FSHR: variants seen among roughly 807,000 people sequenced by gnomAD.
FSHR encodes follicle stimulating hormone receptor.
In FSHR, 46 loss-of-function variants were observed where a neutral mutation model predicts 52.1. The ratio of observed to expected loss-of-function variants is 0.88; its 90% CI spans 0.70 to 1.13. The LOEUF (loss-of-function observed/expected upper bound fraction) is 1.13. Ranked by LOEUF, FSHR falls within the 50% of genes most tolerant of loss-of-function variation. The pLI, the probability that FSHR is intolerant of heterozygous loss-of-function variation, is 0.00. For missense variants in FSHR, 964 were observed against 834.6 expected, an observed-to-expected ratio of 1.16 and a Z score of -1.91; for synonymous variants, 399 against 309.6, an observed-to-expected ratio of 1.29 and a Z score of -3.03.
intron 1 of FSHR, among the ~76,000 whole-genome samples, chr2:49,116,075 A>G (rs1671587019): frequency 6.6e-6 from 1 of 152,126 alleles, no homozygotes; most frequent in African/African-American, 2.4e-5. Flanking sequence ...AGTAAGCAAG[A>G]TCTTGGCATT....
intron 1 of FSHR, among the ~76,000 whole-genome samples, chr2:49,132,775 G>T (rs549150514): frequency 2.6e-5 from 4 of 151,922 alleles, no homozygotes; most frequent in African/African-American, 9.7e-5. Flanking sequence ...TCTCTGCTTT[G>T]CCTGGTCAAA....
At chr2:49,094,405 G>A (rs1195164606) in intron 1 of FSHR, among the ~76,000 whole-genome samples, 1 of 152,134 alleles carries the variant, frequency 6.6e-6, no homozygotes, top group East Asian at 1.9e-4. Context: ...CGCAGATATT[G>A]TAGACATTTT....
chr2:48,982,778 T>C (rs1487171604), intron 8 of FSHR, 134 bp downstream of exon 8: 1 of 768,808 alleles, frequency 1.3e-6, no homozygotes, highest in Admixed American at 2.0e-5. Context: ...CTATAAATTT[T>C]TGCAGATGAC....
At chr2:49,142,552 C>A (rs998574976) in intron 1 of FSHR, among the ~76,000 whole-genome samples, 1 of 152,194 alleles carries the variant, frequency 6.6e-6, no homozygotes, top group Non-Finnish European at 1.5e-5. Context: ...TCTGGCACCT[C>A]AAACAGTGCC....
rs571513518 is a variant in FSHR at position 49,039,120 on chromosome 2, T to A, written c.225-18960A>T. ...TCCATAGACTCAGAATGATATATATTTTTTTACAGGTTATTTTGTTGTAGC... is the reference window on the plus strand; with the variant it reads ...TCCATAGACTCAGAATGATATATATATTTTTACAGGTTATTTTGTTGTAGC... On this transcript the variant is annotated intron_variant, in intron 2 of 9. Coordinates refer to ENST00000406846, the MANE Select transcript of FSHR (RefSeq NM_000145.4). Among the ~76,000 whole-genome samples the A allele has an allele frequency of 3.3e-4, 45 of 137,460 alleles. 1 individual carries two copies. The South Asian group carries it at 0.01, about 31-fold the overall frequency. 90.2% of individuals were successfully genotyped at this position (137,460 alleles called of 152,430 possible).
chr2:49,070,623 T>G (rs62162087), intron 1 of FSHR, among the ~76,000 whole-genome samples: 21,816 of 152,222 alleles, frequency 0.14, 1,580 homozygotes, highest in Middle Eastern at 0.2. Context: ...ACTCTTCTAT[T>G]TAATAATGTC....
chr2:49,025,138 C>G (rs1026158895), intron 2 of FSHR, among the ~76,000 whole-genome samples: 1 of 152,200 alleles, frequency 6.6e-6, no homozygotes, highest in Non-Finnish European at 1.5e-5. Context: ...ATTTGCAAAT[C>G]AAATTGTGTA....
chr2:49,027,105 C>T (rs1667934734), intron 2 of FSHR, among the ~76,000 whole-genome samples: 2 of 152,238 alleles, frequency 1.3e-5, no homozygotes, highest in East Asian at 3.8e-4. Flanking sequence ...CTGGACTAAC[C>T]TAAGTTTTTA....
chr2:49,081,848 T>A (rs536554965), intron 1 of FSHR, among the ~76,000 whole-genome samples: 1 of 152,208 alleles, frequency 6.6e-6, no homozygotes, highest in South Asian at 2.1e-4. Context: ...TTTCCCTTTG[T>A]GGCTTAAAGG....
intron 1 of FSHR, among the ~76,000 whole-genome samples, chr2:49,071,952 G>A (rs981819144): frequency 1.3e-5 from 2 of 152,090 alleles, no homozygotes; most frequent in South Asian, 2.1e-4. Context: ...CTCCCACTAG[G>A]TCACATCTCC....
At position 48,990,603 on chromosome 2, in the gene FSHR, C is replaced by G. The variant is rs375329429; in HGVS notation, c.409G>C (p.Asp137His). The change falls in exon 5 of 10, where the codon GAT becomes CAT. Residue 137 changes from aspartate to histidine, a missense_variant. Coordinates refer to ENST00000406846, the MANE Select transcript of FSHR (RefSeq NM_000145.4). ...ISNTGIKHLP[D>H]VHKIHSLQKV... ...TGGAGAGAATGAATCTTGTGAACAT[C>G]TGGAAGGTGCTTAATACCTGTGTTG... 2.5e-6 allele frequency: 4 copies of G among 1,612,090 alleles called. No individual in the cohort carries two copies. The African/African-American group carries it at 5.3e-5, about 22-fold the overall frequency.
intron 2 of FSHR, among the ~76,000 whole-genome samples, chr2:49,066,704 G>A (rs76591859): frequency 1.5e-3 from 228 of 152,146 alleles, no homozygotes; most frequent in African/African-American, 5.3e-3. Context: ...TCAACCATTC[G>A]TATTGCCACA....
intron 1 of FSHR, among the ~76,000 whole-genome samples, chr2:49,128,913 A>G (rs959248095): frequency 1.3e-4 from 20 of 152,274 alleles, no homozygotes; most frequent in African/African-American, 1.7e-4. Context: ...CAGAAGGTAG[A>G]AAACAGATTT....
chr2:49,135,203 C>T (rs1433211922), intron 1 of FSHR, among the ~76,000 whole-genome samples: 3 of 150,940 alleles, frequency 2.0e-5, no homozygotes, highest in African/African-American at 7.3e-5. Flanking sequence ...CCAGGATAGA[C>T]CATATGCTAA....
At chr2:49,126,334 A>T in intron 1 of FSHR, among the ~76,000 whole-genome samples, 1 of 150,126 alleles carries the variant, frequency 6.7e-6, no homozygotes. Context: ...AGGGGGGGAG[A>T]GAGAGAGGGG....
At chr2:49,072,691 TTTTG>T (rs1669781321) in intron 1 of FSHR, among the ~76,000 whole-genome samples, 1 of 152,152 alleles carries the variant, frequency 6.6e-6, no homozygotes, top group Non-Finnish European at 1.5e-5. Flanking sequence ...TAACTTGCAA[TTTTG>T]CAATTATAAG....
chr2:49,044,970 C>A (rs1471670054), intron 2 of FSHR, among the ~76,000 whole-genome samples: 1 of 152,130 alleles, frequency 6.6e-6, no homozygotes, highest in African/African-American at 2.4e-5. Flanking sequence ...TCTAGAGCAC[C>A]AAGAGAGGGG....
intron 6 of FSHR, among the ~76,000 whole-genome samples, chr2:48,985,244 C>G (rs572901754): frequency 6.6e-6 from 1 of 152,150 alleles, no homozygotes; most frequent in Non-Finnish European, 1.5e-5. Flanking sequence ...TCAGCAGAGG[C>G]TCAGGAAGCT....
chr2:48,995,487 T>A (rs1055731023), intron 4 of FSHR, among the ~76,000 whole-genome samples: 13 of 152,018 alleles, frequency 8.6e-5, no homozygotes, highest in African/African-American at 2.9e-4. Context: ...GATGAAAGGA[T>A]GGGAAGCAGA....
Sources: allele counts gnomAD v4.1 joint callset (sites outside exome capture counted in the v4.1 genomes callset), GRCh38; gene constraint gnomAD v4.1.1; transcripts MANE v1.5; gene names NCBI Gene and HGNC (gene_info 2026-07-23, HGNC 2026-07-21).